The following PRKAR1A variants were observed in gnomAD, a reference collection of about 807,000 sequenced individuals.
PRKAR1A encodes the protein cAMP-dependent protein kinase type I-alpha regulatory subunit.
Under a neutral mutation model 52.0 loss-of-function variants are expected in PRKAR1A, and 3 were observed. The ratio of observed to expected loss-of-function variants is 0.06; its 90% confidence interval spans 0.03 to 0.15. The LOEUF (loss-of-function observed/expected upper bound fraction) is 0.15, where lower values mean the gene tolerates loss of function less well. Ranked by LOEUF, PRKAR1A falls within the 10% of genes least tolerant of loss-of-function variation. The pLI is 1.00. For synonymous variants in PRKAR1A, 188 were observed against 168.4 expected (o/e 1.12, Z -0.90); for missense variants, 240 against 477.4 (o/e 0.50, Z 4.63).
chr17:68,435,034 C>T, the PRKAR1A span, among the ~76,000 whole-genome samples: 1 of 152,040 alleles, frequency 6.6e-6, no homozygotes, highest in South Asian at 2.1e-4. Context: ...AAGTGAAACC[C>T]CGTCTCCACT....
chr17:68,523,177 A>G (rs1269787746), intron 3 of PRKAR1A, among the ~76,000 whole-genome samples: 1 of 152,196 alleles, frequency 6.6e-6, no homozygotes, highest in Non-Finnish European at 1.5e-5. Context: ...TTGCAGTAGA[A>G]GGAGGTGGGC....
downstream of PRKAR1A, chr17:68,537,727 GT>G: frequency 6.2e-7 from 1 of 1,611,892 alleles, no homozygotes; most frequent in Non-Finnish European, 8.5e-7. This position sits in a 1 kb window ranked among gnomAD's most constrained non-coding sequence, Gnocchi z 4.2. Context: ...GTGCAAAAGT[GT>G]TTTCTTTTTT....
At chr17:68,457,516 GCCCCGCCCC>G in the PRKAR1A span, 1 of 863,752 alleles carries the variant, frequency 1.2e-6, no homozygotes. Context: ...CGCCGGTCCT[GCCCCGCCCC>G]TACCCCGCCC....
intron 11 of PRKAR1A, chr17:68,541,052 C>A: frequency 6.5e-7 from 1 of 1,535,034 alleles, no homozygotes; most frequent in Middle Eastern, 2.3e-4. Flanking sequence ...CAATCCCTGC[C>A]TCCCTGATCC....
chr17:68,508,417 A>G (rs1354271206), upstream of PRKAR1A, among the ~76,000 whole-genome samples: 2 of 152,356 alleles, frequency 1.3e-5, no homozygotes, highest in Middle Eastern at 6.8e-3. Context: ...TCTCCTACGC[A>G]TATTAACACA....
the PRKAR1A span, chr17:68,453,069 GC>G: frequency 9.1e-6 from 11 of 1,209,840 alleles, no homozygotes; most frequent in Non-Finnish European, 1.3e-5. Context: ...GATGCCTTTT[GC>G]CCCCTAGCCT....
At chr17:68,451,630 C>A in the PRKAR1A span, among the ~76,000 whole-genome samples, 3 of 152,176 alleles carry the variant, frequency 2.0e-5, no homozygotes, top group Admixed American at 1.3e-4. Context: ...CGTGACTTCT[C>A]AGTTGGGAAC....
chr17:68,421,020 A>G, the PRKAR1A span: 1 of 155,764 alleles, frequency 6.4e-6, no homozygotes, highest in Non-Finnish European at 1.4e-5. Flanking sequence ...TCTTGTGAGA[A>G]TCCGGATTCC....
chr17:68,516,000 A>G lies in PRKAR1A; in HGVS notation c.177+424A>G, dbSNP rs115592392. Among the ~76,000 whole-genome samples, 534 of 152,306 alleles carry G rather than the reference A, an allele frequency of 3.5e-3. 5 individuals are homozygous for G. The highest frequency in any genetic ancestry group is 0.012 in the African/African-American group (509 of 41,552). On this transcript the variant is annotated intron_variant, in intron 2 of 10. Transcript: ENST00000589228. The stretch of plus-strand genomic sequence containing the variant: ...TTATCCCACTTTTAAAACTAGTGTA[A>G]TGAAACATGAATCTAGCTTGTGACT...
chr17:68,542,872 G>T, intron 11 of PRKAR1A: 1 of 1,312,624 alleles, frequency 7.6e-7, no homozygotes, highest in Non-Finnish European at 1.1e-6. Context: ...GAGGGGTTTT[G>T]TCCCCCGGCC....
the PRKAR1A span, among the ~76,000 whole-genome samples, chr17:68,482,752 G>A: frequency 6.6e-6 from 1 of 152,164 alleles, no homozygotes; most frequent in Non-Finnish European, 1.5e-5. Context: ...TTTTACTAAG[G>A]TCAATCGGTG....
At chr17:68,488,182 G>A in the PRKAR1A span, among the ~76,000 whole-genome samples, 1 of 152,114 alleles carries the variant, frequency 6.6e-6, no homozygotes, top group Non-Finnish European at 1.5e-5. Context: ...TCAGGTGGAG[G>A]GAACAGCCTG....
the PRKAR1A span, among the ~76,000 whole-genome samples, chr17:68,490,804 A>G: frequency 3.0e-4 from 46 of 152,298 alleles, no homozygotes; most frequent in Admixed American, 1.7e-3. Context: ...AAGCAGTCTT[A>G]TCGTGTACCC....
Position 68,531,579 on chromosome 17 carries a change from A to C in PRKAR1A, c.*1130A>C. ...TTTAGTCTTTTTTTCCTTCCTTTTTATTCAGCTAGAATTTCTGGTGGGTTG... is the reference window on the plus strand; with the variant it reads ...TTTAGTCTTTTTTTCCTTCCTTTTTCTTCAGCTAGAATTTCTGGTGGGTTG... On this transcript the variant is annotated 3_prime_UTR_variant, in exon 11 of 11. Coordinates refer to ENST00000589228, the MANE Select transcript of PRKAR1A (RefSeq NM_002734.5). 1 of 1,066,218 alleles carries C rather than the reference A, an allele frequency of 9.4e-7. No individual in the cohort carries two copies. Among genetic ancestry groups the C allele is most frequent in the Non-Finnish European group, 1.1e-6 (1 of 879,610 alleles). 66.0% of individuals were successfully genotyped at this position (1,066,218 alleles called of 1,614,324 possible). A position where few individuals can be genotyped will look rare whatever the true frequency, so the allele number is the denominator to read the frequency against.
chr17:68,416,732 TTC>T, the PRKAR1A span, among the ~76,000 whole-genome samples: 1 of 152,310 alleles, frequency 6.6e-6, no homozygotes, highest in Non-Finnish European at 1.5e-5. Context: ...AGCTCTGAAT[TTC>T]TTTCTTCTAC....
At chr17:68,478,469 A>C in the PRKAR1A span, among the ~76,000 whole-genome samples, 1 of 152,154 alleles carries the variant, frequency 6.6e-6, no homozygotes, top group Admixed American at 6.5e-5. Flanking sequence ...CAACAACAAC[A>C]ACAAAAAACA....
the PRKAR1A span, among the ~76,000 whole-genome samples, chr17:68,437,010 A>G: frequency 5.1e-5 from 4 of 77,910 alleles, no homozygotes; most frequent in African/African-American, 2.4e-4. Context: ...AAAAAAATAT[A>G]TATATATGTG....
chr17:68,492,230 A>G, the PRKAR1A span, among the ~76,000 whole-genome samples: 2 of 151,698 alleles, frequency 1.3e-5, no homozygotes, highest in African/African-American at 4.9e-5. Context: ...ACAGGAAAAC[A>G]GAAGAACAGG....
At chr17:68,432,839 C>G in the PRKAR1A span, among the ~76,000 whole-genome samples, 1 of 152,216 alleles carries the variant, frequency 6.6e-6, no homozygotes, top group African/African-American at 2.4e-5. Context: ...CTGGGGGCTG[C>G]TCCTTTCTCA....
Sources: gnomAD v4.1 joint callset for allele counts (sites outside exome capture counted in the v4.1 genomes callset) on GRCh38, gnomAD v4.1.1 for gene constraint, Gnocchi (gnomAD v3.1) non-coding constraint, MANE v1.5 for transcripts, NCBI Gene and HGNC (gene_info 2026-07-23, HGNC 2026-07-21) for gene names.